The following NLGN1 variants were observed in gnomAD, a reference collection of about 807,000 sequenced individuals.
NLGN1 encodes the protein neuroligin 1, also known as neuroligin-1.
A neutral mutation model predicts 65.5 loss-of-function variants in NLGN1; 12 were observed. The ratio of observed to expected loss-of-function variants is 0.18; its 90% CI spans 0.12 to 0.30. NLGN1 has a LOEUF of 0.30. Among genes scored for constraint, NLGN1 ranks in the 10% least tolerant of loss-of-function variants. The pLI, the probability that NLGN1 is intolerant of heterozygous loss-of-function variation, is 1.00. For missense variants in NLGN1, 750 were observed against 1,007.1 expected (o/e 0.74, Z 3.46); for synonymous variants, 350 against 359.5 (o/e 0.97, Z 0.30).
At chr3:173,646,935 C>G (rs1758362909) in intron 3 of NLGN1, among the ~76,000 whole-genome samples, 1 of 152,004 alleles carries the variant, frequency 6.6e-6, no homozygotes, top group African/African-American at 2.4e-5. Context: ...AACATTTTTG[C>G]TGTCTAAAAG....
exon 7 of NLGN1, chr3:174,285,000 G>A (rs1173881066): frequency 1.3e-5 from 2 of 151,216 alleles, no homozygotes; most frequent in African/African-American, 4.8e-5. Context: ...GGAGTGAAGT[G>A]CTGAAACTAA....
At chr3:173,634,796 G>A (rs185890894) in intron 3 of NLGN1, among the ~76,000 whole-genome samples, 81 of 152,254 alleles carry the variant, frequency 5.3e-4, no homozygotes, top group Admixed American at 1.5e-3. Flanking sequence ...TTCCCTGGGT[G>A]ATCCACATCT....
chr3:173,468,384 T>A (rs1724731783), intron 2 of NLGN1, among the ~76,000 whole-genome samples: 1 of 152,122 alleles, frequency 6.6e-6, no homozygotes, highest in Non-Finnish European at 1.5e-5. Context: ...GAATATTAAC[T>A]GTCTGTGGGC....
chr3:173,737,338 C>A (rs1773933468), intron 3 of NLGN1, among the ~76,000 whole-genome samples: 1 of 151,886 alleles, frequency 6.6e-6, no homozygotes, highest in South Asian at 2.1e-4. Flanking sequence ...AGTTGTGCAA[C>A]CATCACCACA....
At chr3:173,406,315 A>G (rs1020294438) in intron 1 of NLGN1, among the ~76,000 whole-genome samples, 5 of 151,836 alleles carry the variant, frequency 3.3e-5, no homozygotes, top group African/African-American at 1.2e-4. Flanking sequence ...CTATCACTAT[A>G]TATATAAATG....
chr3:174,126,321 A>G (rs770595182), intron 4 of NLGN1, among the ~76,000 whole-genome samples: 1 of 152,156 alleles, frequency 6.6e-6, no homozygotes. Flanking sequence ...GGCAAGCACC[A>G]GACCATAGTG....
At chr3:173,704,515 A>G (rs1239174562) in intron 3 of NLGN1, among the ~76,000 whole-genome samples, 2 of 152,202 alleles carry the variant, frequency 1.3e-5, no homozygotes, top group African/African-American at 4.8e-5. Flanking sequence ...TTCAATTGGT[A>G]TGATTAGTCA....
intron 4 of NLGN1, among the ~76,000 whole-genome samples, chr3:174,076,716 AGAGAGAGAGT>A (rs1478693524): frequency 3.6e-3 from 465 of 130,200 alleles, no homozygotes; most frequent in African/African-American, 6.4e-3. Context: ...AGAGAGAGAG[AGAGAGAGAGT>A]GTGTGTGTGT....
chr3:173,752,989 A>G (rs2150164246), intron 3 of NLGN1, among the ~76,000 whole-genome samples: 1 of 152,254 alleles, frequency 6.6e-6, no homozygotes, highest in South Asian at 2.1e-4. Flanking sequence ...TGACTTGTAT[A>G]TTAGATACCA....
chr3:174,263,830 C>T (rs1179171008), intron 4 of NLGN1, among the ~76,000 whole-genome samples: 2 of 151,150 alleles, frequency 1.3e-5, no homozygotes, highest in African/African-American at 4.9e-5. Flanking sequence ...ACCGGTTGTT[C>T]CTTTCCATGT....
chr3:173,700,710 T>A (rs1382631457), intron 3 of NLGN1, among the ~76,000 whole-genome samples: 1 of 152,270 alleles, frequency 6.6e-6, no homozygotes, highest in African/African-American at 2.4e-5. Flanking sequence ...ATGTGAAACT[T>A]CTTCTATCAG....
intron 1 of NLGN1, among the ~76,000 whole-genome samples, chr3:173,398,759 A>G (rs1307429286): frequency 6.6e-6 from 1 of 152,150 alleles, no homozygotes; most frequent in Non-Finnish European, 1.5e-5. Flanking sequence ...GTTACTCTGC[A>G]TTTTTACAGG....
chr3:173,736,269 A>G (rs182517001), intron 3 of NLGN1, among the ~76,000 whole-genome samples: 1 of 152,222 alleles, frequency 6.6e-6, no homozygotes, highest in Admixed American at 6.6e-5. Flanking sequence ...TCTTACTCAC[A>G]GAAGTGAAAT....
chr3:173,500,612 G>C (rs1730920814), intron 2 of NLGN1, among the ~76,000 whole-genome samples: 1 of 152,122 alleles, frequency 6.6e-6, no homozygotes, highest in South Asian at 2.1e-4. Context: ...GATTGGAATA[G>C]TTTCAGAAGG....
At chr3:173,574,028 A>T (rs1311773997) in intron 2 of NLGN1, among the ~76,000 whole-genome samples, 1 of 143,754 alleles carries the variant, frequency 7.0e-6, no homozygotes, top group Non-Finnish European at 1.5e-5. Flanking sequence ...GCATCACTGC[A>T]CTCCAGCCTG....
At chr3:173,843,224 C>T (rs1219084425) in intron 4 of NLGN1, among the ~76,000 whole-genome samples, 5 of 152,220 alleles carry the variant, frequency 3.3e-5, no homozygotes, top group Non-Finnish European at 7.3e-5. Flanking sequence ...ACCCTGGGCC[C>T]AGCACACAAA....
intron 4 of NLGN1, among the ~76,000 whole-genome samples, chr3:174,046,166 C>A (rs1283079900): frequency 4.6e-5 from 7 of 152,122 alleles, no homozygotes; most frequent in African/African-American, 1.7e-4. Flanking sequence ...AATTGAAGCT[C>A]CATACTATAT....
At chr3:174,003,898 T>C (rs1484531085) in intron 4 of NLGN1, among the ~76,000 whole-genome samples, 3 of 152,190 alleles carry the variant, frequency 2.0e-5, no homozygotes, top group Non-Finnish European at 4.4e-5. Flanking sequence ...ATGTGATATG[T>C]AACGCATTTA....
Position 173,981,676 on chromosome 3 carries a change from ATATCT to A in NLGN1, c.646+173848_646+173852del, listed in dbSNP as rs144245465. On this transcript the variant is annotated intron_variant, in intron 4 of 6. Transcript: ENST00000457714. ...TATTTTTATATTTGTATATAGAGAA[ATATCT>A]TATACCTATATAATAGTGTTTCCTC... 2.0e-3 allele frequency among the ~76,000 whole-genome samples: 309 copies of A among 152,236 alleles called. 8 individuals carry two copies. The East Asian group carries it at 0.048, about 24-fold the overall frequency.
Sources: gnomAD v4.1 joint callset for allele counts (sites outside exome capture counted in the v4.1 genomes callset) on GRCh38, gnomAD v4.1.1 for gene constraint, MANE v1.5 for transcripts, NCBI Gene and HGNC (gene_info 2026-07-23, HGNC 2026-07-21) for gene names.